FOXP3: variants seen among roughly 807,000 people sequenced by gnomAD.
The protein encoded by FOXP3 is forkhead box protein P3.
FOXP3 carries 5 observed loss-of-function variants against 31.2 expected under a neutral mutation model. The observed-to-expected ratio is 0.16, with a 90% CI of 0.08 to 0.34. The LOEUF (loss-of-function observed/expected upper bound fraction) is 0.34. Among genes scored for constraint, FOXP3 ranks in the 10% least tolerant of loss-of-function variants. The pLI, the probability that FOXP3 is intolerant of heterozygous loss-of-function variation, is 1.00. For synonymous variants in FOXP3, 141 were observed against 148.8 expected, an observed-to-expected ratio of 0.95 and a Z score of 0.38; for missense variants, 251 against 363.0, an observed-to-expected ratio of 0.69 and a Z score of 2.51.
At position 49,258,511 on chromosome X, in the gene FOXP3, C is replaced by T. The variant is rs782443183; in HGVS notation, c.-6G>A. ...CCAGGCCTGGGGTTGGGCATCGGGT[C>T]CTTGTCCAAGGGCAGGCTGCGTAGA... On this transcript the variant is annotated 5_prime_UTR_variant, in exon 2 of 12. Coordinates refer to ENST00000376207, the MANE Select transcript of FOXP3 (RefSeq NM_014009.4). 8.6e-7 allele frequency: 1 copy of T among 1,160,532 alleles called. No individual in the cohort carries two copies. The highest frequency in any genetic ancestry group is 3.1e-5 in the East Asian group (1 of 32,343).
At chrX:49,253,272 A>G in intron 9 of FOXP3, 70 bp from the exon 10 acceptor site, 1 of 926,617 alleles carries the variant, frequency 1.1e-6, no homozygotes, top group Non-Finnish European at 1.5e-6. Context: ...CCCTCCCCCT[A>G]CAAGGTGAGT....
chrX:49,264,662 T>G lies in FOXP3; in HGVS notation c.-24A>C, dbSNP rs1288899310. ...GTAGGGGAGAGCAGGGACACTCACC[T>G]TGGTGAAGTGGACTGACAGAAAAGG... On this transcript the variant is annotated splice_region_variant and 5_prime_UTR_variant, in exon 1 of 12. Transcript: ENST00000376207. The G allele has an allele frequency of 8.0e-6, 6 of 751,350 alleles. No individual in the cohort carries two copies. The African/African-American group carries it at 1.4e-4, about 17-fold the overall frequency. 61.9% of individuals were successfully genotyped at this position (751,350 alleles called of 1,213,427 possible).
In FOXP3 at chrX:49,256,753, G is replaced by A; in HGVS notation, c.645C>T (p.Leu215=). The A allele has an allele frequency of 1.7e-6, 2 of 1,210,373 alleles. No individual in the cohort carries two copies. Among genetic ancestry groups the A allele is most frequent in the African/African-American group, 1.7e-5 (1 of 57,888 alleles). ...TGGCACAGGCCTGGGCCACTCACTT[G>A]AGGAAGTCCTCTGGCTCTTCGAAGA... ...EKVFEEPEDF[L]KHCQADHLLD... Residue 215 remains leucine (L), a splice_region_variant and synonymous_variant, in exon 6 of 12, where the codon CTC becomes CTT. Coordinates refer to ENST00000376207, the MANE Select transcript of FOXP3 (RefSeq NM_014009.4).
Position 49,258,585 on chromosome X carries a change from G to A in FOXP3, c.-22-58C>T, listed in dbSNP as rs782634727. On this transcript the variant is annotated intron_variant, in intron 1 of 11. Transcript: ENST00000376207. ...TGTGCTAGGGCGGTATGAGATACTC[G>A]ACCACCTGAGCCACGTGGACACTCC... is the stretch of plus-strand genomic sequence containing the variant. The A allele has an allele frequency of 6.4e-6, 6 of 937,831 alleles. No individual in the cohort carries two copies. The South Asian group carries it at 7.9e-5, about 12-fold the overall frequency. 77.3% of individuals were successfully genotyped at this position (937,831 alleles called of 1,213,427 possible).
At chrX:49,255,110 G>A (rs1288862962) in intron 8 of FOXP3, among the ~76,000 whole-genome samples, 2 of 111,272 alleles carry the variant, frequency 1.8e-5, no homozygotes, top group Admixed American at 1.9e-4. Flanking sequence ...ACCACGCCTG[G>A]CTAATTTTTT....
rs1433341749 is a variant in FOXP3, at chrX:49,255,561, C to CT, written c.736-53dup. On this transcript the variant is annotated intron_variant, in intron 7 of 11. Transcript: ENST00000376207. ...TCAGCCTGGCCCTTCTCTGCCACATCTTTGCCCAGGCTACGGTCTTCCCTG... is the reference window on the plus strand; with the variant it reads ...TCAGCCTGGCCCTTCTCTGCCACATCTTTTGCCCAGGCTACGGTCTTCCCTG... 4 of 1,137,390 alleles carry CT rather than the reference C, an allele frequency of 3.5e-6. No homozygotes were observed. In the African/African-American group the frequency reaches 7.2e-5, roughly 20 times the overall value. 93.7% of individuals were successfully genotyped at this position (1,137,390 alleles called of 1,213,427 possible).
intron 3 of FOXP3, 25 bp downstream of exon 3, chrX:49,257,639 C>A: frequency 8.5e-7 from 1 of 1,179,937 alleles, no homozygotes; most frequent in East Asian, 3.1e-5. Flanking sequence ...CTGCTCCCTC[C>A]TCCCTGCCCA....
Position 49,258,533 on chromosome X carries a change from T to C in FOXP3, c.-22-6A>G. Reference sequence around the variant, plus strand: ...GGTCCTTGTCCAAGGGCAGGCTGCGTAGACAATAGGGGAAAGGAGTCACAC... The same window carrying C: ...GGTCCTTGTCCAAGGGCAGGCTGCGCAGACAATAGGGGAAAGGAGTCACAC... On this transcript the variant is annotated splice_polypyrimidine_tract_variant and splice_region_variant and intron_variant, in intron 1 of 11. Transcript: ENST00000376207. 1 of 1,129,295 alleles carries C rather than the reference T, an allele frequency of 8.9e-7. No individual in the cohort carries two copies. The highest frequency in any genetic ancestry group is 1.2e-6 in the Non-Finnish European group (1 of 850,275). The allele number at this position is 1,129,295 out of a possible 1,213,427, so 93.1% of individuals were successfully genotyped here. A position where few individuals can be genotyped will look rare whatever the true frequency, so the allele number is the denominator to read the frequency against.
chrX:49,251,376 G>A lies in FOXP3; in HGVS notation c.1254C>T (p.Ser418=). The change falls in exon 12 of 12, where the codon AGC becomes AGT. Residue 418 remains serine (S), a synonymous_variant. Coordinates refer to ENST00000376207, the MANE Select transcript of FOXP3 (RefSeq NM_014009.4). ...GGTTGGAACACCTGCTGGGCCTCTG[G>A]CTCCGTTTCTTGCGGAACTCCAGCT... The part of the protein sequence containing the change: ...VDELEFRKKR[S]QRPSRCSNPT... The A allele has an allele frequency of 8.3e-7, 1 of 1,211,092 alleles. No homozygotes were observed. The highest frequency in any genetic ancestry group is 1.1e-6 in the Non-Finnish European group (1 of 895,182).
chrX:49,251,780 G>A lies in FOXP3; in HGVS notation c.1045-15C>T. On this transcript the variant is annotated splice_polypyrimidine_tract_variant and intron_variant, in intron 10 of 11. Transcript: ENST00000376207. The stretch of plus-strand genomic sequence containing the variant: ...TCCAGGATGGCCTGGAAGTTGGGGG[G>A]TGGGGTAAGGGGCACATTCCCCAAA... The A allele has an allele frequency of 8.3e-7, 1 of 1,198,731 alleles. No homozygotes were observed. Among genetic ancestry groups the A allele is most frequent in the Admixed American group, 2.2e-5 (1 of 45,831 alleles).
chrX:49,255,867 T>TG, intron 6 of FOXP3, 65 bp from the exon 7 acceptor site: 2 of 999,145 alleles, frequency 2.0e-6, no homozygotes, highest in South Asian at 4.0e-5. Context: ...ATGCTCTGAA[T>TG]GGGGAGGGCC....
chrX:49,251,967 G>A (rs187780818), intron 10 of FOXP3: 1 of 712,200 alleles, frequency 1.4e-6, no homozygotes, highest in African/African-American at 2.4e-5. Flanking sequence ...GGTTAGATGG[G>A]TGTGGGTATG....
intron 1 of FOXP3, among the ~76,000 whole-genome samples, chrX:49,261,918 G>A (rs782621848): frequency 2.7e-5 from 3 of 112,193 alleles, no homozygotes; most frequent in Non-Finnish European, 3.8e-5. Flanking sequence ...CACTGAGCAC[G>A]GAGAGGCGTG....
chrX:49,263,478 C>T (rs1602691998), intron 1 of FOXP3, among the ~76,000 whole-genome samples: 1 of 111,848 alleles, frequency 8.9e-6, no homozygotes, highest in Non-Finnish European at 1.9e-5. Flanking sequence ...GAGAAACAAC[C>T]GGAATGTCCA....
intron 10 of FOXP3, among the ~76,000 whole-genome samples, chrX:49,252,859 T>C (rs1557115759): frequency 9.2e-6 from 1 of 109,125 alleles, no homozygotes; most frequent in Non-Finnish European, 1.9e-5. Flanking sequence ...GGGGCTGAGG[T>C]GGACATCTGG....
chrX:49,254,775 C>G (rs1282625935), intron 8 of FOXP3, among the ~76,000 whole-genome samples: 2 of 111,299 alleles, frequency 1.8e-5, no homozygotes, highest in African/African-American at 6.5e-5. Context: ...TATGTGGCAC[C>G]CTGTGCTTTG....
chrX:49,251,196 C>G lies in FOXP3; in HGVS notation c.*138G>C. 7 of 773,824 alleles carry G rather than the reference C, an allele frequency of 9.0e-6. No individual in the cohort carries two copies. The highest frequency in any genetic ancestry group is 1.3e-5 in the Non-Finnish European group (7 of 532,187). The allele number at this position is 773,824 out of a possible 1,213,427, so 63.8% of individuals were successfully genotyped here. A position where few individuals can be genotyped will look rare whatever the true frequency, so the allele number is the denominator to read the frequency against. ...TGGCTGCCAGCGGGGGAACAGGGGCCCTGGCAGGCAAGACAGTGGAAACCT... is the reference window on the plus strand; with the variant it reads ...TGGCTGCCAGCGGGGGAACAGGGGCGCTGGCAGGCAAGACAGTGGAAACCT... On this transcript the variant is annotated 3_prime_UTR_variant, in exon 12 of 12. Coordinates refer to ENST00000376207, the MANE Select transcript of FOXP3 (RefSeq NM_014009.4).
Position 49,250,750 on chromosome X carries a change from T to G in FOXP3, c.*584A>C, listed in dbSNP as rs782618662. On this transcript the variant is annotated 3_prime_UTR_variant, in exon 12 of 12. Coordinates refer to ENST00000376207, the MANE Select transcript of FOXP3 (RefSeq NM_014009.4). ...TTGGGACCTCAGATCCTGAGGGTAC[T>G]GACGCTGCTTCTGTGTAGGCCTCTG... is the stretch of plus-strand genomic sequence containing the variant. The G allele has an allele frequency of 2.6e-4, 66 of 253,452 alleles. No individual in the cohort carries two copies. Among genetic ancestry groups the G allele is most frequent in the Non-Finnish European group, 4.4e-4 (60 of 136,301 alleles). 20.9% of individuals were successfully genotyped at this position (253,452 alleles called of 1,213,427 possible). A position where few individuals can be genotyped will look rare whatever the true frequency, so the allele number is the denominator to read the frequency against.
chrX:49,260,977 C>T lies in FOXP3; in HGVS notation c.-22-2450G>A, dbSNP rs782814289. On this transcript the variant is annotated intron_variant, in intron 1 of 11. Transcript: ENST00000376207. ...GGTGATGTCCATCTGGCCACTATGACAAGCCCCTAGCTCTGAAGACCTGGC... is the reference window on the plus strand; with the variant it reads ...GGTGATGTCCATCTGGCCACTATGATAAGCCCCTAGCTCTGAAGACCTGGC... 2.7e-5 allele frequency among the ~76,000 whole-genome samples: 3 copies of T among 112,347 alleles called. No individual in the cohort carries two copies. In the South Asian group the frequency reaches 1.1e-3, roughly 42 times the overall value.
Sources: gnomAD v4.1 joint callset for allele counts (sites outside exome capture counted in the v4.1 genomes callset) on GRCh38, gnomAD v4.1.1 for gene constraint, MANE v1.5 for transcripts, NCBI Gene and HGNC (gene_info 2026-07-23, HGNC 2026-07-21) for gene names.